Variants in KAT6A observed in about 807,000 individuals in gnomAD.
KAT6A encodes lysine acetyltransferase 6A, also known as histone acetyltransferase KAT6A.
A neutral mutation model predicts 198.4 loss-of-function variants in KAT6A; 9 were observed. That is an observed-to-expected ratio of 0.05 (90% CI 0.03 to 0.08). The LOEUF (loss-of-function observed/expected upper bound fraction) is 0.08. Ranked by LOEUF, KAT6A falls within the 10% of genes least tolerant of loss-of-function variation. The pLI is 1.00. For missense variants in KAT6A, 2,077 were observed against 2,509.9 expected, an observed-to-expected ratio of 0.83 and a Z score of 3.69; for synonymous variants, 890 against 883.0, an observed-to-expected ratio of 1.01 and a Z score of -0.14.
chr8:42,029,940 T>G (rs1050436073), intron 2 of KAT6A, among the ~76,000 whole-genome samples: 1 of 152,182 alleles, frequency 6.6e-6, no homozygotes, highest in Non-Finnish European at 1.5e-5. Flanking sequence ...TTCTCAGGCA[T>G]TTTTCTTTTT....
At chr8:42,018,193 G>C (rs1347970478) in intron 2 of KAT6A, among the ~76,000 whole-genome samples, 1 of 152,144 alleles carries the variant, frequency 6.6e-6, no homozygotes, top group African/African-American at 2.4e-5. Flanking sequence ...TAACTACAGA[G>C]CTACAAAAAT....
intron 2 of KAT6A, among the ~76,000 whole-genome samples, chr8:41,991,569 G>A (rs762709209): frequency 5.9e-5 from 9 of 152,076 alleles, no homozygotes; most frequent in Non-Finnish European, 1.3e-4. Context: ...TAGTTAAGGT[G>A]TACACTTATA....
At chr8:42,030,735 T>TG (rs1226330581) in intron 2 of KAT6A, among the ~76,000 whole-genome samples, 1 of 151,718 alleles carries the variant, frequency 6.6e-6, no homozygotes, top group Non-Finnish European at 1.5e-5. Flanking sequence ...TGACAAATTT[T>TG]TTGTTGTTGT....
At chr8:42,044,884 T>C (rs889833075) in intron 2 of KAT6A, among the ~76,000 whole-genome samples, 4 of 152,218 alleles carry the variant, frequency 2.6e-5, no homozygotes, top group African/African-American at 9.6e-5. Context: ...CTCTGGATAA[T>C]TCTTTTCTTT....
chr8:42,016,790 T>C (rs1171719708), intron 2 of KAT6A, among the ~76,000 whole-genome samples: 1 of 152,108 alleles, frequency 6.6e-6, no homozygotes, highest in Non-Finnish European at 1.5e-5. Context: ...AAAAATAAAA[T>C]TTTATCAGCC....
Position 41,932,989 on chromosome 8 carries a change from T to G in KAT6A, c.5231A>C (p.Tyr1744Ser), listed in dbSNP as rs755420898. ...GCTGAAGGTGGCTGATGGTTGAGAG[T>G]AGCTGCCGGCACCAAAATCCCCTGG... Reference protein sequence around the residue: ...RIPGDFGAGSYSQPSATFSLA... With the variant: ...RIPGDFGAGSSSQPSATFSLA... Residue 1744 changes from tyrosine to serine, a missense_variant, in exon 17 of 17, where the codon TAC becomes TCC. Transcript: ENST00000265713. 2.5e-6 allele frequency: 4 copies of G among 1,613,996 alleles called. No homozygotes were observed. Among genetic ancestry groups the G allele is most frequent in the African/African-American group, 1.3e-5 (1 of 74,892 alleles).
chr8:41,985,313 G>T (rs553029248), intron 3 of KAT6A, among the ~76,000 whole-genome samples: 6 of 152,304 alleles, frequency 3.9e-5, no homozygotes. Flanking sequence ...CGCTGGATAT[G>T]ACTACCTAGC....
intron 2 of KAT6A, among the ~76,000 whole-genome samples, chr8:41,994,044 C>T (rs1825071063): frequency 6.6e-6 from 1 of 151,734 alleles, no homozygotes; most frequent in African/African-American, 2.4e-5. Context: ...ACAAAAACTA[C>T]TGATAATCAG....
intron 12 of KAT6A, 64 bp downstream of exon 12, chr8:41,946,527 C>CACACACAT (rs1587726813): frequency 1.3e-6 from 1 of 787,568 alleles, no homozygotes; most frequent in East Asian, 2.6e-5. Context: ...CACACACACA[C>CACACACAT]ACACACACAC....
intron 9 of KAT6A, among the ~76,000 whole-genome samples, chr8:41,949,828 T>C (rs1477944727): frequency 6.6e-6 from 1 of 152,198 alleles, no homozygotes; most frequent in Non-Finnish European, 1.5e-5. Flanking sequence ...ACTAAGGATT[T>C]CGTGCTCAAA....
chr8:42,006,033 T>TACC (rs549189505), intron 2 of KAT6A, among the ~76,000 whole-genome samples: 85 of 152,218 alleles, frequency 5.6e-4, no homozygotes, highest in Non-Finnish European at 1.2e-3. Context: ...AAGCATATGC[T>TACC]ACCACAGAAA....
intron 3 of KAT6A, among the ~76,000 whole-genome samples, chr8:41,985,928 T>G (rs957455326): frequency 4.0e-5 from 6 of 149,130 alleles, no homozygotes; most frequent in East Asian, 1.9e-4. Flanking sequence ...GTCTTGTAAG[T>G]TTTTTTTTTG....
intron 12 of KAT6A, among the ~76,000 whole-genome samples, chr8:41,944,361 G>A (rs1822280129): frequency 6.6e-6 from 1 of 152,140 alleles, no homozygotes; most frequent in Non-Finnish European, 1.5e-5. Context: ...ACAAAAGAAT[G>A]CCTTCATTTT....
intron 2 of KAT6A, among the ~76,000 whole-genome samples, chr8:42,026,725 C>G (rs1040095405): frequency 6.6e-6 from 1 of 152,188 alleles, no homozygotes. Flanking sequence ...GACAATCTGA[C>G]TTCCTCTTTT....
At chr8:42,044,381 C>G (rs1360891343) in intron 2 of KAT6A, among the ~76,000 whole-genome samples, 4 of 151,880 alleles carry the variant, frequency 2.6e-5, no homozygotes, top group African/African-American at 7.3e-5. Flanking sequence ...GATTACAGGC[C>G]TGAGCCACCA....
Position 41,932,098 on chromosome 8 carries a change from T to A in KAT6A, c.*107A>T. The A allele has an allele frequency of 9.4e-7, 1 of 1,061,076 alleles. No homozygotes were observed. Among genetic ancestry groups the A allele is most frequent in the East Asian group, 3.0e-5 (1 of 33,278 alleles). The allele number at this position is 1,061,076 out of a possible 1,614,324, so 65.7% of individuals were successfully genotyped here. On this transcript the variant is annotated 3_prime_UTR_variant, in exon 17 of 17. Coordinates refer to ENST00000265713, the MANE Select transcript of KAT6A (RefSeq NM_006766.5). Reference sequence around the variant, plus strand: ...AACCAAAGAAAAATTCCTCTAAATCTACAGCAATATTTTAACTGGAAAAAG... The same window carrying A: ...AACCAAAGAAAAATTCCTCTAAATCAACAGCAATATTTTAACTGGAAAAAG...
intron 2 of KAT6A, among the ~76,000 whole-genome samples, chr8:41,991,720 G>A (rs1824955353): frequency 6.6e-6 from 1 of 152,106 alleles, no homozygotes; most frequent in Non-Finnish European, 1.5e-5. Flanking sequence ...TGGAACTTAG[G>A]AAACAGGCTG....
intron 10 of KAT6A, among the ~76,000 whole-genome samples, chr8:41,948,326 A>C (rs118062342): frequency 1.3e-5 from 2 of 152,332 alleles, no homozygotes; most frequent in East Asian, 3.9e-4. Context: ...TATGTAGTCT[A>C]ATCTATGCCA....
intron 2 of KAT6A, among the ~76,000 whole-genome samples, chr8:42,047,381 C>T (rs1802366645): frequency 6.6e-6 from 1 of 152,178 alleles, no homozygotes; most frequent in South Asian, 2.1e-4. Context: ...GTAAAGTACA[C>T]ATCTGGGCAT....
Sources: gnomAD v4.1 joint callset for allele counts (sites outside exome capture counted in the v4.1 genomes callset) on GRCh38, gnomAD v4.1.1 for gene constraint, MANE v1.5 for transcripts, NCBI Gene and HGNC (gene_info 2026-07-23, HGNC 2026-07-21) for gene names.